The following BTBD1 variants were observed in gnomAD, a reference collection of about 807,000 sequenced individuals.
The protein encoded by BTBD1 is BTB/POZ domain-containing protein 1.
BTBD1 carries 34 observed loss-of-function variants against 48.0 expected under a neutral mutation model. The ratio of observed to expected loss-of-function variants is 0.71; its 90% confidence interval spans 0.54 to 0.94. The LOEUF is 0.94. Among genes scored for constraint, BTBD1 ranks in the 40% least tolerant of loss-of-function variants. The pLI is 0.00. For missense variants in BTBD1, 543 were observed against 625.6 expected (o/e 0.87, Z 1.41); for synonymous variants, 261 against 242.1 (o/e 1.08, Z -0.72).
At chr15:83,066,297 C>G (rs369410809) in intron 1 of BTBD1, among the ~76,000 whole-genome samples, 64 of 151,818 alleles carry the variant, frequency 4.2e-4, no homozygotes, top group African/African-American at 1.5e-3. Flanking sequence ...AAGACCTTGT[C>G]TCAAAAAAAG....
rs1439948690 is a variant in BTBD1 at position 83,056,409 on chromosome 15, C to T, written c.538G>A (p.Ala180Thr). 1.2e-6 allele frequency: 2 copies of T among 1,613,422 alleles called. No homozygotes were observed. Among genetic ancestry groups the T allele is most frequent in the East Asian group, 4.5e-5 (2 of 44,862 alleles). ...CTTACCTGAGTAAGTAACATAAAGG[C>T]ATTATCTGCCCTAAGATGTTTGGTG... ...FLTKHLRADN[A>T]FMLLTQARLF... Residue 180 changes from alanine to threonine, a missense_variant, in exon 2 of 8, where the codon GCC (alanine) becomes ACC (threonine). By Grantham distance (58) the Ala-to-Thr change is moderately conservative. Coordinates refer to ENST00000261721, the MANE Select transcript of BTBD1 (RefSeq NM_025238.4).
intron 4 of BTBD1, among the ~76,000 whole-genome samples, chr15:83,034,489 A>T (rs575950608): frequency 2.3e-4 from 35 of 152,216 alleles, no homozygotes; most frequent in African/African-American, 7.7e-4. Context: ...TGGTGCACAC[A>T]TGTAGTCCCA....
Position 83,067,206 on chromosome 15 carries a change from G to T in BTBD1, c.-55C>A. On this transcript the variant is annotated 5_prime_UTR_variant, in exon 1 of 8. The change creates a new upstream start codon in the 5' untranslated region. Transcript: ENST00000261721. The stretch of plus-strand genomic sequence containing the variant: ...GACAAAACTCCGCCGCCATCGCCCA[G>T]GCCGCCTCCGGAGGCCGGCGCTGCC... The T allele has an allele frequency of 2.2e-6, 3 of 1,338,892 alleles. No individual in the cohort carries two copies. The highest frequency in any genetic ancestry group is 2.9e-6 in the Non-Finnish European group (3 of 1,046,334). 82.9% of individuals were successfully genotyped at this position (1,338,892 alleles called of 1,614,324 possible).
rs781760999 is a variant in BTBD1, at chr15:83,066,872, G to T, written c.280C>A (p.Arg94Ser). The T allele has an allele frequency of 2.0e-6, 3 of 1,482,240 alleles. No individual in the cohort carries two copies. In the East Asian group the frequency reaches 8.4e-5, roughly 41 times the overall value. The allele number at this position is 1,482,240 out of a possible 1,614,324, so 91.8% of individuals were successfully genotyped here. ...AGGPQRIPAH[R>S]FVLAAGSAVF... ...GCGCTGCCGGCCGCCAGCACGAAGCGGTGGGCGGGGATGCGCTGCGGGCCC... is the reference window on the plus strand; with the variant it reads ...GCGCTGCCGGCCGCCAGCACGAAGCTGTGGGCGGGGATGCGCTGCGGGCCC... Residue 94 changes from arginine (R) to serine (S), a missense_variant, in exon 1 of 8, where the codon CGC becomes AGC. This residue lies in a region of BTBD1 where 173 missense variants were observed against 163.9 expected (regional missense o/e 1.06). Coordinates refer to ENST00000261721, the MANE Select transcript of BTBD1 (RefSeq NM_025238.4).
At chr15:83,058,067 G>A (rs2033117437) in intron 1 of BTBD1, among the ~76,000 whole-genome samples, 1 of 152,198 alleles carries the variant, frequency 6.6e-6, no homozygotes, top group South Asian at 2.1e-4. Context: ...CCATTGTCAT[G>A]GACAGCTGGC....
chr15:83,027,151 G>C (rs984313797), intron 5 of BTBD1, among the ~76,000 whole-genome samples: 1 of 152,104 alleles, frequency 6.6e-6, no homozygotes, highest in Non-Finnish European at 1.5e-5. Flanking sequence ...TCAGGAGTTC[G>C]GGACCAGCCT....
In BTBD1 at chr15:83,066,978, G is replaced by A. The variant is rs146964026; in HGVS notation, c.174C>T (p.Arg58=). 1.1e-5 allele frequency: 17 copies of A among 1,583,906 alleles called. No homozygotes were observed. The highest frequency in any genetic ancestry group is 1.4e-5 in the African/African-American group (1 of 71,306). The part of the protein sequence containing the change: ...WQATKASLKE[R]FAFLFNSELL... ...GCTCCGAGTTGAAGAGGAAGGCGAAGCGCTCCTTCAGCGACGCCTTGGTCG... is the reference window on the plus strand; with the variant it reads ...GCTCCGAGTTGAAGAGGAAGGCGAAACGCTCCTTCAGCGACGCCTTGGTCG... Residue 58 remains arginine, a synonymous_variant, in exon 1 of 8, where the codon CGC becomes CGT. Transcript: ENST00000261721.
intron 5 of BTBD1, among the ~76,000 whole-genome samples, chr15:83,025,979 C>T (rs922962978): frequency 2.0e-5 from 3 of 152,054 alleles, no homozygotes; most frequent in African/African-American, 7.3e-5. Flanking sequence ...CCGTGTTAGC[C>T]AGGATGGTCT....
At chr15:83,040,614 C>T (rs905849190) in intron 4 of BTBD1, among the ~76,000 whole-genome samples, 3 of 149,492 alleles carry the variant, frequency 2.0e-5, no homozygotes, top group Non-Finnish European at 3.0e-5. Context: ...GTGTGAGAAT[C>T]GCTTGAACCC....
chr15:83,030,153 C>T lies in BTBD1; in HGVS notation c.1038G>A (p.Gly346=). 6.2e-7 allele frequency: 1 copy of T among 1,614,006 alleles called. No homozygotes were observed. The highest frequency in any genetic ancestry group is 8.5e-7 in the Non-Finnish European group (1 of 1,179,976). ...ACAGATACCTGATTCGATCACTCGTCCCACTGTAACCCCAGCGGCTTTCTA... is the reference window on the plus strand; with the variant it reads ...ACAGATACCTGATTCGATCACTCGTTCCACTGTAACCCCAGCGGCTTTCTA... ...QQVESRWGYS[G]TSDRIRFTVN... Residue 346 remains glycine (G), a synonymous_variant, in exon 5 of 8, where the codon GGG becomes GGA. Coordinates refer to ENST00000261721, the MANE Select transcript of BTBD1 (RefSeq NM_025238.4).
intron 4 of BTBD1, among the ~76,000 whole-genome samples, chr15:83,041,168 G>GAAA (rs542048466): frequency 9.5e-6 from 1 of 104,850 alleles, no homozygotes; most frequent in African/African-American, 3.6e-5. Flanking sequence ...AGAAAAAAAA[G>GAAA]AAAAAAAAAA....
chr15:83,066,415 A>T (rs1247096005), intron 1 of BTBD1, among the ~76,000 whole-genome samples: 1 of 152,234 alleles, frequency 6.6e-6, no homozygotes, highest in East Asian at 1.9e-4. Flanking sequence ...GGCAATCAGG[A>T]CAACCTGATC....
At chr15:83,034,425 C>A (rs1205859150) in intron 4 of BTBD1, among the ~76,000 whole-genome samples, 1 of 152,098 alleles carries the variant, frequency 6.6e-6, no homozygotes, top group Non-Finnish European at 1.5e-5. Context: ...ACTAGCCTGG[C>A]CAACATGGCA....
At position 83,067,003 on chromosome 15, in the gene BTBD1, G is replaced by C; in HGVS notation, c.149C>G (p.Ala50Gly). The change falls in exon 1 of 8, where the codon GCG becomes GGG. Residue 50 changes from alanine to glycine, a missense_variant. Around this residue, in one of 3 missense-constraint regions of BTBD1, gnomAD observed 173 missense variants for 163.9 expected, o/e 1.06. Transcript: ENST00000261721. ...GCGCTCCTTCAGCGACGCCTTGGTCGCCTGCCAGTTGTAGAGAGGTTCCCG... is the reference window on the plus strand; with the variant it reads ...GCGCTCCTTCAGCGACGCCTTGGTCCCCTGCCAGTTGTAGAGAGGTTCCCG... ...LQREPLYNWQ[A>G]TKASLKERFA... 6.3e-7 allele frequency: 1 copy of C among 1,585,984 alleles called. No individual in the cohort carries two copies. Among genetic ancestry groups the C allele is most frequent in the South Asian group, 1.1e-5 (1 of 88,908 alleles).
intron 4 of BTBD1, among the ~76,000 whole-genome samples, chr15:83,038,852 C>T (rs940857650): frequency 6.6e-6 from 1 of 152,054 alleles, no homozygotes; most frequent in Middle Eastern, 3.2e-3. Flanking sequence ...GAAACTGGAC[C>T]CCTACCTTTC....
intron 1 of BTBD1, chr15:83,061,918 C>A (rs2033182517): frequency 6.6e-6 from 1 of 152,208 alleles, no homozygotes; most frequent in South Asian, 2.1e-4. Flanking sequence ...TTAGATGAGC[C>A]AGTGTGCAAT....
intron 5 of BTBD1, among the ~76,000 whole-genome samples, chr15:83,028,394 ACT>A (rs1596426105): frequency 6.6e-6 from 1 of 151,984 alleles, no homozygotes; most frequent in East Asian, 1.9e-4. Flanking sequence ...CTCCAAATAA[ACT>A]CTGTTTGGTC....
rs56152195 is a variant in BTBD1, at chr15:83,032,969, C to CAAAAAAAAAAAA, written c.863-2653_863-2642dup. On this transcript the variant is annotated intron_variant, in intron 4 of 7. Coordinates refer to ENST00000261721, the MANE Select transcript of BTBD1 (RefSeq NM_025238.4). ...GCTGGGTGACAGTCTTACTCTGTCT[C>CAAAAAAAAAAAA]AAAAAAAAAAAAAAAAAAACAGAAT... is the stretch of plus-strand genomic sequence containing the variant. 1.2e-3 allele frequency among the ~76,000 whole-genome samples: 107 copies of CAAAAAAAAAAAA among 86,976 alleles called. 4 individuals carry two copies. The highest frequency in any genetic ancestry group is 5.0e-3 in the African/African-American group (101 of 20,054). 57.1% of individuals were successfully genotyped at this position (86,976 alleles called of 152,430 possible). A position where few individuals can be genotyped will look rare whatever the true frequency, so the allele number is the denominator to read the frequency against.
In BTBD1 at chr15:83,038,114, C is replaced by T. The variant is rs1333847710; in HGVS notation, c.862+3614G>A. Reference sequence around the variant, plus strand: ...AAAATAAAAAAAGTTCCACCAAAGGCGCCTGGAACTGATAAAGAACTTCAA... The same window carrying T: ...AAAATAAAAAAAGTTCCACCAAAGGTGCCTGGAACTGATAAAGAACTTCAA... On this transcript the variant is annotated intron_variant, in intron 4 of 7. Coordinates refer to ENST00000261721, the MANE Select transcript of BTBD1 (RefSeq NM_025238.4). Among the ~76,000 whole-genome samples, 7 of 151,968 alleles carry T rather than the reference C, an allele frequency of 4.6e-5. No individual in the cohort carries two copies. In the East Asian group the frequency reaches 1.4e-3, roughly 29 times the overall value.
Sources: gnomAD v4.1 joint callset for allele counts (sites outside exome capture counted in the v4.1 genomes callset) on GRCh38, gnomAD v4.1.1 for gene constraint, gnomAD v4.1.1 regional missense constraint, MANE v1.5 for transcripts, NCBI Gene and HGNC (gene_info 2026-07-23, HGNC 2026-07-21) for gene names.